The following VAV3 variants were observed in gnomAD, a reference collection of about 807,000 sequenced individuals.
The protein encoded by VAV3 is guanine nucleotide exchange factor VAV3.
In VAV3, 94 loss-of-function variants were observed where a neutral mutation model predicts 131.2. The observed-to-expected ratio is 0.72, with a 90% confidence interval of 0.61 to 0.85. VAV3 has a LOEUF of 0.85. VAV3 is among the 40% of genes least tolerant of loss of function. The pLI, the probability that VAV3 is intolerant of heterozygous loss-of-function variation, is 0.00. For synonymous variants in VAV3, 349 were observed against 342.0 expected, an observed-to-expected ratio of 1.02 and a Z score of -0.22; for missense variants, 939 against 1,002.7, an observed-to-expected ratio of 0.94 and a Z score of 0.86.
chr1:107,708,575 C>G (rs1375790792), intron 15 of VAV3, among the ~76,000 whole-genome samples: 1 of 152,154 alleles, frequency 6.6e-6, no homozygotes, highest in Non-Finnish European at 1.5e-5. Flanking sequence ...TCTCTTCTCA[C>G]CTGGCTCCAT....
At chr1:107,767,800 AT>A (rs778734280) in intron 7 of VAV3, among the ~76,000 whole-genome samples, 3 of 152,246 alleles carry the variant, frequency 2.0e-5, no homozygotes, top group Admixed American at 1.3e-4. Flanking sequence ...TTGGCATGAC[AT>A]TTAGCTTGCT....
At chr1:107,803,927 G>T (rs182682302) in intron 2 of VAV3, among the ~76,000 whole-genome samples, 7 of 151,886 alleles carry the variant, frequency 4.6e-5, no homozygotes, top group South Asian at 4.1e-4. Flanking sequence ...GTGCTTTAGT[G>T]TTGGATGCAT....
At chr1:107,702,297 G>A (rs2494064) in intron 17 of VAV3, among the ~76,000 whole-genome samples, 52,855 of 151,978 alleles carry the variant, frequency 0.35, 10,726 homozygotes, top group African/African-American at 0.57. Context: ...TGAGAACAGC[G>A]TGGAGGAAAT....
chr1:107,634,486 G>A (rs1053742447), intron 20 of VAV3, among the ~76,000 whole-genome samples: 1 of 152,126 alleles, frequency 6.6e-6, no homozygotes, highest in Non-Finnish European at 1.5e-5. Flanking sequence ...ATGGATTAAA[G>A]ACTTACATGT....
chr1:107,886,321 A>G (rs911272605), intron 1 of VAV3, among the ~76,000 whole-genome samples: 1 of 152,200 alleles, frequency 6.6e-6, no homozygotes, highest in African/African-American at 2.4e-5. Flanking sequence ...GCCACAAATA[A>G]CCAAAGCTAT....
chr1:107,843,279 TA>T (rs1668806874), intron 2 of VAV3, among the ~76,000 whole-genome samples: 2 of 151,622 alleles, frequency 1.3e-5, no homozygotes, highest in African/African-American at 4.8e-5. Context: ...AGTTTTTGTA[TA>T]TATAAAATAA....
chr1:107,639,882 T>A (rs1557724959), intron 20 of VAV3, among the ~76,000 whole-genome samples: 1 of 150,060 alleles, frequency 6.7e-6, no homozygotes, highest in Non-Finnish European at 1.5e-5. Context: ...TACAGTGAGC[T>A]ACGATTGTAG....
rs1664999354 is a variant in VAV3, at chr1:107,770,791, T to C, written c.556-63A>G. 5 of 1,362,454 alleles carry C rather than the reference T, an allele frequency of 3.7e-6. No individual in the cohort carries two copies. The Admixed American group carries it at 8.3e-5, about 23-fold the overall frequency. 84.4% of individuals were successfully genotyped at this position (1,362,454 alleles called of 1,614,324 possible). On this transcript the variant is annotated intron_variant, in intron 5 of 26. Transcript: ENST00000370056. ...AATCATATATTAACCTATCGGGAAG[T>C]AGAGATCAAAAGCATTGCTGACTTT...
At chr1:107,586,948 T>C (rs1650547552) in intron 25 of VAV3, among the ~76,000 whole-genome samples, 1 of 152,170 alleles carries the variant, frequency 6.6e-6, no homozygotes, top group South Asian at 2.1e-4. Flanking sequence ...TTGTGTGGTA[T>C]TGAACATAAA....
At chr1:107,764,173 T>C (rs2102148241) in intron 9 of VAV3, among the ~76,000 whole-genome samples, 1 of 152,278 alleles carries the variant, frequency 6.6e-6, no homozygotes, top group Non-Finnish European at 1.5e-5. Context: ...TATACTGTTG[T>C]GATCATGCAC....
intron 2 of VAV3, among the ~76,000 whole-genome samples, chr1:107,817,053 T>C (rs1667590045): frequency 6.6e-6 from 1 of 152,212 alleles, no homozygotes. Context: ...TCCTAAAAGA[T>C]GCAAGAGACT....
intron 2 of VAV3, among the ~76,000 whole-genome samples, chr1:107,827,624 T>C (rs1668071961): frequency 6.6e-6 from 1 of 152,186 alleles, no homozygotes; most frequent in East Asian, 1.9e-4. Context: ...CAGAATCCTT[T>C]CCAATAATGT....
intron 1 of VAV3, among the ~76,000 whole-genome samples, chr1:107,902,343 C>T (rs866853998): frequency 1.3e-5 from 2 of 152,118 alleles, no homozygotes; most frequent in Admixed American, 1.3e-4. Flanking sequence ...GTAATTGTTT[C>T]AATTTTTTTT....
At chr1:107,869,094 C>T (rs757167818) in intron 2 of VAV3, among the ~76,000 whole-genome samples, 16 of 152,116 alleles carry the variant, frequency 1.1e-4, no homozygotes, top group Admixed American at 2.6e-4. Flanking sequence ...TAAAACTACC[C>T]TTGCAAATGT....
chr1:107,738,597 C>T (rs1434998331), intron 15 of VAV3, among the ~76,000 whole-genome samples: 1 of 152,154 alleles, frequency 6.6e-6, no homozygotes, highest in African/African-American at 2.4e-5. Context: ...CCCATCGTTT[C>T]CATTGCAAGG....
chr1:107,671,661 G>C (rs1350490943), intron 19 of VAV3, among the ~76,000 whole-genome samples: 3 of 152,070 alleles, frequency 2.0e-5, no homozygotes, highest in South Asian at 2.1e-4. Context: ...ATGTACAAAA[G>C]GAAATAAGAA....
intron 15 of VAV3, among the ~76,000 whole-genome samples, chr1:107,745,399 G>C (rs1358852105): frequency 6.6e-6 from 1 of 152,044 alleles, no homozygotes; most frequent in African/African-American, 2.4e-5. Context: ...AAAAAGCGGG[G>C]GGGAATCCTC....
chr1:107,622,815 A>T (rs147613861), intron 20 of VAV3, among the ~76,000 whole-genome samples: 1 of 152,322 alleles, frequency 6.6e-6, no homozygotes, highest in East Asian at 1.9e-4. Context: ...TGGGGAAAGA[A>T]GATGTACAGC....
chr1:107,632,990 T>A (rs973945666), intron 20 of VAV3, among the ~76,000 whole-genome samples: 2 of 152,196 alleles, frequency 1.3e-5, no homozygotes, highest in South Asian at 4.1e-4. Context: ...ACTAATAATG[T>A]CTTTTTGTCT....
Sources: gnomAD v4.1 joint callset for allele counts (sites outside exome capture counted in the v4.1 genomes callset) on GRCh38, gnomAD v4.1.1 for gene constraint, MANE v1.5 for transcripts, NCBI Gene and HGNC (gene_info 2026-07-23, HGNC 2026-07-21) for gene names.